Variants in PLEKHA1 observed in about 807,000 individuals in gnomAD.
The protein encoded by PLEKHA1 is pleckstrin homology domain containing A1.
PLEKHA1 carries 34 observed loss-of-function variants against 52.0 expected under a neutral mutation model. That is an observed-to-expected ratio of 0.65 (90% CI 0.50 to 0.87). PLEKHA1 has a LOEUF of 0.87. Ranked by LOEUF, PLEKHA1 falls within the 40% of genes least tolerant of loss-of-function variation. The pLI, the probability that PLEKHA1 is intolerant of heterozygous loss-of-function variation, is 0.00. For missense variants in PLEKHA1, 497 were observed against 504.2 expected, an observed-to-expected ratio of 0.99 and a Z score of 0.14; for synonymous variants, 163 against 170.7, an observed-to-expected ratio of 0.95 and a Z score of 0.35.
At chr10:122,432,624 A>G (rs1158132576), downstream of PLEKHA1, 1 of 152,212 alleles carries the variant, frequency 6.6e-6, no homozygotes, top group Non-Finnish European at 1.5e-5. Context: ...GAATTATCAT[A>G]TGTTAGCCTC....
intron 3 of PLEKHA1, among the ~76,000 whole-genome samples, chr10:122,399,518 C>T (rs2096897169): frequency 6.6e-6 from 1 of 152,072 alleles, no homozygotes. Context: ...AGATTAATGT[C>T]TTAATCTTAA....
chr10:122,404,864 C>G (rs568869181), intron 4 of PLEKHA1, among the ~76,000 whole-genome samples: 1 of 152,176 alleles, frequency 6.6e-6, no homozygotes, highest in Non-Finnish European at 1.5e-5. Context: ...ATTTCAAAAT[C>G]TTGTGTGTTT....
chr10:122,395,009 A>G (rs2096831512), intron 2 of PLEKHA1, among the ~76,000 whole-genome samples: 1 of 152,226 alleles, frequency 6.6e-6, no homozygotes, highest in East Asian at 1.9e-4. Flanking sequence ...CAGCTAGTAG[A>G]AGGAGTTGAA....
chr10:122,409,972 G>C (rs1258257489), intron 5 of PLEKHA1, among the ~76,000 whole-genome samples: 1 of 151,978 alleles, frequency 6.6e-6, no homozygotes, highest in Non-Finnish European at 1.5e-5. Flanking sequence ...AGTAGAGACT[G>C]GGTTTCGCCA....
intron 6 of PLEKHA1, among the ~76,000 whole-genome samples, chr10:122,414,745 A>G: frequency 6.6e-6 from 1 of 152,190 alleles, no homozygotes; most frequent in East Asian, 1.9e-4. Flanking sequence ...AGAGCACAAT[A>G]AAAGATCACT....
At chr10:122,395,762 T>C (rs2096841669) in intron 2 of PLEKHA1, among the ~76,000 whole-genome samples, 1 of 152,098 alleles carries the variant, frequency 6.6e-6, no homozygotes, top group African/African-American at 2.4e-5. Flanking sequence ...TAACCATGGG[T>C]TTAAAAATTC....
chr10:122,391,307 G>A (rs1164775002), intron 1 of PLEKHA1, among the ~76,000 whole-genome samples: 3 of 152,008 alleles, frequency 2.0e-5, no homozygotes, highest in Non-Finnish European at 4.4e-5. Flanking sequence ...TATAATTTTT[G>A]TTGTTGCTCA....
chr10:122,411,282 G>GAGAAGGAAGGGAGAGGGAGTTTT (rs1360273740), intron 5 of PLEKHA1, among the ~76,000 whole-genome samples: 1 of 152,200 alleles, frequency 6.6e-6, no homozygotes, highest in African/African-American at 2.4e-5. Context: ...GAGGCAGGTG[G>GAGAAGGAAGGGAGAGGGAGTTTT]AGAAGGAAGG....
chr10:122,380,826 A>T (rs1481714435), intron 1 of PLEKHA1, among the ~76,000 whole-genome samples: 1 of 152,110 alleles, frequency 6.6e-6, no homozygotes, highest in African/African-American at 2.4e-5. Flanking sequence ...AGGAATTTTT[A>T]AAATTCCCAG....
downstream of PLEKHA1, chr10:122,433,410 G>A (rs2097427131): frequency 6.6e-6 from 1 of 152,272 alleles, no homozygotes; most frequent in African/African-American, 2.4e-5. Flanking sequence ...GTACTTGGGA[G>A]CATCATTAGG....
intron 1 of PLEKHA1, among the ~76,000 whole-genome samples, chr10:122,378,084 A>C (rs1248384217): frequency 6.6e-6 from 1 of 152,162 alleles, no homozygotes; most frequent in Admixed American, 6.5e-5. Flanking sequence ...TAACCATTGA[A>C]CTCTAGATTC....
intron 5 of PLEKHA1, among the ~76,000 whole-genome samples, chr10:122,408,343 A>G (rs2097055280): frequency 6.6e-6 from 1 of 152,214 alleles, no homozygotes; most frequent in African/African-American, 2.4e-5. Context: ...TCTTATACAA[A>G]TGACACTGGT....
At position 122,432,214 on chromosome 10, in the gene PLEKHA1, T is replaced by C. The variant is rs1475193346; in HGVS notation, c.*2276T>C. On this transcript the variant is annotated 3_prime_UTR_variant, in exon 12 of 12. Coordinates refer to ENST00000368990, the MANE Select transcript of PLEKHA1 (RefSeq NM_001001974.4). ...TACCTTAATATTTGCTGCATTTTTT[T>C]CCGTATATATAACATGTCTTCTTTC... 6.6e-6 allele frequency: 1 copy of C among 152,250 alleles called. No individual in the cohort carries two copies. Among genetic ancestry groups the C allele is most frequent in the African/African-American group, 2.4e-5 (1 of 41,466 alleles). 9.4% of individuals were successfully genotyped at this position (152,250 alleles called of 1,614,324 possible). A position where few individuals can be genotyped will look rare whatever the true frequency, so the allele number is the denominator to read the frequency against.
intron 1 of PLEKHA1, among the ~76,000 whole-genome samples, chr10:122,391,593 T>C (rs1457242216): frequency 2.0e-5 from 3 of 152,198 alleles, no homozygotes; most frequent in Non-Finnish European, 2.9e-5. Context: ...TTGAAATCAG[T>C]TGACTATAGA....
chr10:122,415,910 C>T lies in PLEKHA1; in HGVS notation c.520C>T (p.Arg174Trp), dbSNP rs752979944. 5.5e-5 allele frequency: 88 copies of T among 1,612,936 alleles called. No homozygotes were observed. The highest frequency in any genetic ancestry group is 2.7e-4 in the South Asian group (25 of 91,026). ...AAGTATTGACAGAAATAATCTGAAA[C>T]GGTCACAAAGCCATCTTCCTTACTT... ...GESIDRNNLK[R>W]SQSHLPYFTP... The change falls in exon 7 of 12, where the codon CGG becomes TGG. Residue 174 changes from arginine (R) to tryptophan (W), a missense_variant. By Grantham distance (101) the Arg-to-Trp change is moderately radical. Coordinates refer to ENST00000368990, the MANE Select transcript of PLEKHA1 (RefSeq NM_001001974.4).
At chr10:122,398,002 G>C in intron 3 of PLEKHA1, 28 bp downstream of exon 3, 4 of 1,561,226 alleles carry the variant, frequency 2.6e-6, no homozygotes, top group Non-Finnish European at 2.6e-6. Context: ...TCTTATACTC[G>C]TGTGAATTAA....
At chr10:122,407,842 A>G (rs1475645756) in intron 5 of PLEKHA1, among the ~76,000 whole-genome samples, 2 of 152,220 alleles carry the variant, frequency 1.3e-5, no homozygotes, top group Non-Finnish European at 2.9e-5. Flanking sequence ...GAAAGTCAGC[A>G]TATGTTAGTC....
the PLEKHA1 span, chr10:122,442,225 T>C: frequency 6.6e-6 from 1 of 152,206 alleles, no homozygotes; most frequent in Non-Finnish European, 1.5e-5. Context: ...TATGCTGCCG[T>C]GGACACAGAG....
intron 7 of PLEKHA1, 24 bp from the exon 8 acceptor site, chr10:122,417,871 AGTCTT>A: frequency 1.3e-6 from 2 of 1,547,466 alleles, no homozygotes; most frequent in Non-Finnish European, 1.8e-6. Context: ...TAGAAACACA[AGTCTT>A]ATGTCTGTGT....
Sources: allele counts gnomAD v4.1 joint callset (sites outside exome capture counted in the v4.1 genomes callset), GRCh38; gene constraint gnomAD v4.1.1; transcripts MANE v1.5; gene names NCBI Gene and HGNC (gene_info 2026-07-23, HGNC 2026-07-21).